Variants in CCNY observed in about 807,000 individuals in gnomAD.
CCNY encodes cyclin-Y.
A neutral mutation model predicts 42.8 loss-of-function variants in CCNY; 19 were observed. The ratio of observed to expected loss-of-function variants is 0.44; its 90% confidence interval spans 0.31 to 0.65. The LOEUF is 0.65. Among genes scored for constraint, CCNY ranks in the 30% least tolerant of loss-of-function variants. CCNY has a pLI of 0.07. For synonymous variants in CCNY, 165 were observed against 162.7 expected, an observed-to-expected ratio of 1.01 and a Z score of -0.11; for missense variants, 370 against 437.3, an observed-to-expected ratio of 0.85 and a Z score of 1.37.
At chr10:35,259,869 T>G (rs955052466) in intron 3 of CCNY, among the ~76,000 whole-genome samples, 1 of 148,894 alleles carries the variant, frequency 6.7e-6, no homozygotes, top group African/African-American at 2.5e-5. Context: ...TTAAGGAAAT[T>G]TTATGCATAA....
intron 3 of CCNY, among the ~76,000 whole-genome samples, chr10:35,308,096 C>T (rs1835635941): frequency 6.6e-6 from 1 of 151,174 alleles, no homozygotes; most frequent in African/African-American, 2.4e-5. Context: ...GGATTACAGG[C>T]ATAAGCCACC....
At chr10:35,430,198 G>A (rs996257964) in intron 1 of CCNY, among the ~76,000 whole-genome samples, 63 of 150,638 alleles carry the variant, frequency 4.2e-4, no homozygotes, top group Non-Finnish European at 7.7e-4. Context: ...TTAGCCGGGC[G>A]TAGTGGCGGG....
intron 1 of CCNY, among the ~76,000 whole-genome samples, chr10:35,359,078 G>T (rs1180853024): frequency 6.6e-6 from 1 of 152,218 alleles, no homozygotes; most frequent in Non-Finnish European, 1.5e-5. Flanking sequence ...GGCTTATTAG[G>T]TAAGTGCGGA....
At chr10:35,277,703 C>T (rs552121941) in intron 3 of CCNY, among the ~76,000 whole-genome samples, 2 of 152,162 alleles carry the variant, frequency 1.3e-5, no homozygotes, top group South Asian at 4.2e-4. Flanking sequence ...ACAGCCAGTG[C>T]ATCCTATGCC....
rs994691479 is a variant in CCNY at position 35,571,676 on chromosome 10, A to G, written c.*2506A>G. ...TTATGTTTTCTTCTCTGATTTGTTC[A>G]AAGTTTGCCAAAAGAAAACACAAAA... is the stretch of plus-strand genomic sequence containing the variant. On this transcript the variant is annotated 3_prime_UTR_variant, in exon 10 of 10. Coordinates refer to ENST00000374704, the MANE Select transcript of CCNY (RefSeq NM_145012.6). The G allele has an allele frequency of 6.6e-6, 1 of 152,356 alleles. No homozygotes were observed. The highest frequency in any genetic ancestry group is 1.5e-5 in the Non-Finnish European group (1 of 68,022). 9.4% of individuals were successfully genotyped at this position (152,356 alleles called of 1,614,324 possible).
chr10:35,278,214 G>T (rs1488381696), intron 3 of CCNY, among the ~76,000 whole-genome samples: 1 of 152,140 alleles, frequency 6.6e-6, no homozygotes, highest in Non-Finnish European at 1.5e-5. Context: ...ACTGTCAAGA[G>T]CTCAAAAGAT....
intron 3 of CCNY, among the ~76,000 whole-genome samples, chr10:35,331,388 T>G (rs1835942062): frequency 6.6e-6 from 1 of 152,252 alleles, no homozygotes. Flanking sequence ...AGACAGAGCC[T>G]GGGCTTCCTA....
chr10:35,377,032 C>T (rs1446492650), intron 1 of CCNY, among the ~76,000 whole-genome samples: 1 of 152,138 alleles, frequency 6.6e-6, no homozygotes, highest in Non-Finnish European at 1.5e-5. Flanking sequence ...CAGTTAGGCA[C>T]CACATAATGA....
chr10:35,553,272 A>G, intron 8 of CCNY, 87 bp downstream of exon 8: 2 of 1,292,598 alleles, frequency 1.5e-6, no homozygotes, highest in Non-Finnish European at 2.1e-6. Context: ...AATGGTCTGT[A>G]TAGCGCAGAA....
chr10:35,362,911 G>A (rs1300468086), intron 1 of CCNY, among the ~76,000 whole-genome samples: 1 of 151,414 alleles, frequency 6.6e-6, no homozygotes, highest in Non-Finnish European at 1.5e-5. Context: ...TAGGGCGGCA[G>A]CCGGACAGAG....
chr10:35,497,739 A>G (rs1293267552), intron 2 of CCNY, among the ~76,000 whole-genome samples: 3 of 151,984 alleles, frequency 2.0e-5, no homozygotes, highest in African/African-American at 7.2e-5. Context: ...AAAAAAAAAA[A>G]AAAAAAAAAA....
At chr10:35,452,209 T>A (rs1838933463) in intron 1 of CCNY, among the ~76,000 whole-genome samples, 1 of 152,218 alleles carries the variant, frequency 6.6e-6, no homozygotes, top group Non-Finnish European at 1.5e-5. Context: ...ATGTTGAAGA[T>A]GTCTTCAGAC....
intron 3 of CCNY, among the ~76,000 whole-genome samples, chr10:35,302,336 AG>A (rs1835547555): frequency 7.7e-6 from 1 of 130,692 alleles, no homozygotes; most frequent in African/African-American, 2.9e-5. Flanking sequence ...TTTGAGACAG[AG>A]TCTTGCTCTG....
rs539380706 is a variant in CCNY at position 35,535,426 on chromosome 10, G to C, written c.579+5183G>C. Among the ~76,000 whole-genome samples, 9 of 152,238 alleles carry C rather than the reference G, an allele frequency of 5.9e-5. No homozygotes were observed. In the South Asian group the frequency reaches 1.9e-3, roughly 32 times the overall value. On this transcript the variant is annotated intron_variant, in intron 7 of 9. Coordinates refer to ENST00000374704, the MANE Select transcript of CCNY (RefSeq NM_145012.6). Reference sequence around the variant, plus strand: ...CTGCATTCATGATAAACAGTTTGCTGTTTGATCATATAGCCTCCAGTGGAA... The same window carrying C: ...CTGCATTCATGATAAACAGTTTGCTCTTTGATCATATAGCCTCCAGTGGAA...
At chr10:35,317,468 G>T (rs1016218198) in intron 3 of CCNY, among the ~76,000 whole-genome samples, 6 of 152,198 alleles carry the variant, frequency 3.9e-5, no homozygotes, top group African/African-American at 1.2e-4. Flanking sequence ...CAGCACATGT[G>T]TTTAATCTGA....
intron 7 of CCNY, among the ~76,000 whole-genome samples, chr10:35,538,658 T>G (rs1840935840): frequency 1.3e-5 from 2 of 152,242 alleles, no homozygotes; most frequent in African/African-American, 4.8e-5. Context: ...GAACGGGTTG[T>G]CTTTTAGTTG....
intron 7 of CCNY, among the ~76,000 whole-genome samples, chr10:35,538,246 C>T (rs1840925932): frequency 6.6e-6 from 1 of 152,162 alleles, no homozygotes; most frequent in South Asian, 2.1e-4. Flanking sequence ...ATTGCCCAGT[C>T]TCAGGTATGT....
chr10:35,512,452 C>CAAGT, intron 3 of CCNY, among the ~76,000 whole-genome samples: 1 of 152,214 alleles, frequency 6.6e-6, no homozygotes, highest in South Asian at 2.1e-4. Context: ...AAAGGGACTG[C>CAAGT]GACTGAGTAG....
chr10:35,458,750 G>A (rs1244395014), intron 1 of CCNY, among the ~76,000 whole-genome samples: 1 of 152,226 alleles, frequency 6.6e-6, no homozygotes, highest in Non-Finnish European at 1.5e-5. Flanking sequence ...TGTGTGCACT[G>A]AAACTCTTAA....
Sources: allele counts gnomAD v4.1 joint callset (sites outside exome capture counted in the v4.1 genomes callset), GRCh38; gene constraint gnomAD v4.1.1; transcripts MANE v1.5; gene names NCBI Gene and HGNC (gene_info 2026-07-23, HGNC 2026-07-21).